The following C19orf44 variants were observed in gnomAD, a reference collection of about 807,000 sequenced individuals.
The protein encoded by C19orf44 is uncharacterized protein C19orf44.
Under a neutral mutation model 50.7 loss-of-function variants are expected in C19orf44, and 43 were observed. The observed-to-expected ratio is 0.85, with a 90% CI of 0.66 to 1.09. The LOEUF is 1.09. Among genes scored for constraint, C19orf44 ranks in the 50% least tolerant of loss-of-function variants. C19orf44 has a pLI of 0.00. For missense variants in C19orf44, 722 were observed against 836.2 expected (o/e 0.86, Z 1.68); for synonymous variants, 298 against 334.7 (o/e 0.89, Z 1.20).
In C19orf44 at chr19:16,513,012, A is replaced by G. The variant is rs768683695; in HGVS notation, c.1640-2A>G. ...TTACCCCTCTCTTTGTCCCCGAGAT[A>G]GTGGCCAGCATGGCAGCCATGGGGC... On this transcript the variant is annotated splice_acceptor_variant, in intron 5 of 8. Transcript: ENST00000221671. LOFTEE classifies it high-confidence loss of function. The G allele has an allele frequency of 1.2e-6, 2 of 1,612,338 alleles. No homozygotes were observed. The highest frequency in any genetic ancestry group is 2.2e-5 in the East Asian group (1 of 44,862).
At chr19:16,514,163 T>G (rs933760787) in intron 6 of C19orf44, among the ~76,000 whole-genome samples, 9 of 151,656 alleles carry the variant, frequency 5.9e-5, no homozygotes, top group Non-Finnish European at 7.4e-5. Context: ...AATTTTTTTT[T>G]TTGTTTTTTT....
At chr19:16,511,182 A>G (rs1285278087) in intron 5 of C19orf44, among the ~76,000 whole-genome samples, 1 of 151,822 alleles carries the variant, frequency 6.6e-6, no homozygotes, top group East Asian at 1.9e-4. Context: ...GATTACAGGT[A>G]TGTGCCACCA....
At chr19:16,518,021 A>G (rs1188695973) in intron 8 of C19orf44, 1 of 152,226 alleles carries the variant, frequency 6.6e-6, no homozygotes, top group Admixed American at 6.5e-5. Flanking sequence ...ATCTAGAACA[A>G]AATCAAATAT....
At chr19:16,506,039 T>C (rs2093439659) in intron 3 of C19orf44, among the ~76,000 whole-genome samples, 1 of 151,498 alleles carries the variant, frequency 6.6e-6, no homozygotes, top group Admixed American at 6.6e-5. Context: ...AGTGCAGTGG[T>C]GTGATCATAG....
intron 5 of C19orf44, 67 bp downstream of exon 5, chr19:16,510,055 C>T: frequency 6.2e-7 from 1 of 1,608,788 alleles, no homozygotes; most frequent in Non-Finnish European, 8.5e-7. Context: ...TTTACAGCAT[C>T]CTGGGAGACA....
At chr19:16,510,941 G>T (rs565892348) in intron 5 of C19orf44, among the ~76,000 whole-genome samples, 2 of 151,990 alleles carry the variant, frequency 1.3e-5, no homozygotes, top group East Asian at 3.9e-4. Flanking sequence ...TTGCCATATT[G>T]CCCAGCCTGG....
chr19:16,501,601 T>C (rs1008847775), intron 2 of C19orf44, 50 bp downstream of exon 2: 10 of 1,235,282 alleles, frequency 8.1e-6, no homozygotes, highest in Non-Finnish European at 1.0e-5. Flanking sequence ...TTAATTTAAT[T>C]TTTTTTTTGA....
intron 6 of C19orf44, 98 bp from the exon 7 acceptor site, chr19:16,514,399 A>AAC: frequency 8.3e-7 from 1 of 1,200,332 alleles, no homozygotes; most frequent in Non-Finnish European, 1.1e-6. Flanking sequence ...AAAAAAAAAA[A>AAC]GATTTCAGAG....
rs767985308 is a variant in C19orf44, at chr19:16,509,523, A to G, written c.1174A>G (p.Thr392Ala). 7 of 1,547,176 alleles carry G rather than the reference A, an allele frequency of 4.5e-6. No individual in the cohort carries two copies. The highest frequency in any genetic ancestry group is 5.2e-6 in the Non-Finnish European group (6 of 1,151,012). ...QEEESAQRQK[T>A]AGKIFRAEAS... ...GGAGGAAAGTGCTCAGAGACAAAAA[A>G]CAGCTGGCAAAATCTTCAGAGCCGA... The change falls in exon 5 of 9, where the codon ACA becomes GCA. Residue 392 changes from threonine to alanine, a missense_variant. Coordinates refer to ENST00000221671, the MANE Select transcript of C19orf44 (RefSeq NM_032207.4).
chr19:16,519,559 T>C lies in C19orf44; in HGVS notation c.*41-535T>C, dbSNP rs559131325. The C allele has an allele frequency of 5.2e-5, 76 of 1,448,890 alleles. No individual in the cohort carries two copies. The highest frequency in any genetic ancestry group is 7.2e-5 in the Non-Finnish European group (74 of 1,031,770). 89.8% of individuals were successfully genotyped at this position (1,448,890 alleles called of 1,614,324 possible). ...TGCACTGAGGAAGAGAAAGCGCTGG[T>C]GACTCCCGGGCCCAGCACGCGTGAG... On this transcript the variant is annotated intron_variant, in intron 8 of 8. Transcript: ENST00000221671. The surrounding 1 kb of genome is among the most constrained non-coding windows in gnomAD (Gnocchi z 6.0).
Position 16,520,736 on chromosome 19 carries a change from G to T in C19orf44, c.*683G>T. On this transcript the variant is annotated 3_prime_UTR_variant, in exon 9 of 9. Coordinates refer to ENST00000221671, the MANE Select transcript of C19orf44 (RefSeq NM_032207.4). The surrounding 1 kb of genome is among the most constrained non-coding windows in gnomAD (Gnocchi z 4.0). ...CCATAGGCACAGGCTGTGTGAGGGT[G>T]GACGTGATGAGTGTATCTGGGGTCT... The T allele has an allele frequency of 7.6e-7, 1 of 1,320,632 alleles. No homozygotes were observed. Among genetic ancestry groups the T allele is most frequent in the Non-Finnish European group, 1.1e-6 (1 of 920,560 alleles). The allele number at this position is 1,320,632 out of a possible 1,614,324, so 81.8% of individuals were successfully genotyped here.
At chr19:16,508,638 G>A (rs549488808) in intron 4 of C19orf44, among the ~76,000 whole-genome samples, 5 of 152,088 alleles carry the variant, frequency 3.3e-5, no homozygotes, top group Admixed American at 6.6e-5. Context: ...CTCCTGCCTC[G>A]GCCTTTCAAA....
At position 16,501,304 on chromosome 19, in the gene C19orf44, G is replaced by A; in HGVS notation, c.512G>A (p.Ser171Asn). Residue 171 changes from serine (S) to asparagine (N), a missense_variant, in exon 2 of 9, where the codon AGT becomes AAT. Transcript: ENST00000221671. The part of the protein sequence containing the change: ...TENNAQNAKV[S>N]RFLKKKQAPV... ...AATAATGCACAGAACGCGAAGGTCAGTAGGTTTCTAAAGAAGAAACAAGCA... is the reference window on the plus strand; with the variant it reads ...AATAATGCACAGAACGCGAAGGTCAATAGGTTTCTAAAGAAGAAACAAGCA... 6.2e-7 allele frequency: 1 copy of A among 1,614,178 alleles called. No individual in the cohort carries two copies. Among genetic ancestry groups the A allele is most frequent in the Non-Finnish European group, 8.5e-7 (1 of 1,180,022 alleles).
intron 8 of C19orf44, chr19:16,518,675 C>G (rs868618393): frequency 6.4e-6 from 1 of 157,126 alleles, no homozygotes; most frequent in Non-Finnish European, 1.4e-5. Flanking sequence ...CACTGGGCTT[C>G]GGCTTTGTCC....
At chr19:16,509,387 T>C (rs1414841788) in intron 4 of C19orf44, 112 bp from the exon 5 acceptor site, 2 of 1,384,462 alleles carry the variant, frequency 1.4e-6, no homozygotes, top group Non-Finnish European at 2.0e-6. Flanking sequence ...ACCTGGTGTG[T>C]CCCCTTGTCT....
At chr19:16,496,543 C>T (rs1002140504) in intron 1 of C19orf44, 78 bp downstream of exon 1, 1 of 300,252 alleles carries the variant, frequency 3.3e-6, no homozygotes, top group Non-Finnish European at 6.6e-6. Flanking sequence ...GGGGCCTTCT[C>T]CGGGGCTGAG....
Position 16,520,422 on chromosome 19 carries a change from A to T in C19orf44, c.*369A>T. The T allele has an allele frequency of 6.2e-7, 1 of 1,614,082 alleles. No homozygotes were observed. The highest frequency in any genetic ancestry group is 8.5e-7 in the Non-Finnish European group (1 of 1,180,016). On this transcript the variant is annotated 3_prime_UTR_variant, in exon 9 of 9. Coordinates refer to ENST00000221671, the MANE Select transcript of C19orf44 (RefSeq NM_032207.4). This position sits in a 1 kb window ranked among gnomAD's most constrained non-coding sequence, Gnocchi z 4.0. ...GAGCGCGACCTTGACCTTGAGTACG[A>T]GCCTGAAGACTTGGAGGATCTTGAG...
Position 16,519,816 on chromosome 19 carries a change from T to C in C19orf44, c.*41-278T>C, listed in dbSNP as rs1253051404. On this transcript the variant is annotated intron_variant, in intron 8 of 8. Coordinates refer to ENST00000221671, the MANE Select transcript of C19orf44 (RefSeq NM_032207.4). This position sits in a 1 kb window ranked among gnomAD's most constrained non-coding sequence, Gnocchi z 6.0. ...AGCCGCAGCTTGCGTGCATGCTCAC[T>C]GTCACCAGGTGACACCGTATGCAGA... 5.0e-6 allele frequency: 5 copies of C among 994,140 alleles called. No homozygotes were observed. Among genetic ancestry groups the C allele is most frequent in the South Asian group, 1.3e-5 (1 of 76,386 alleles). The allele number at this position is 994,140 out of a possible 1,614,324, so 61.6% of individuals were successfully genotyped here.
intron 8 of C19orf44, chr19:16,518,539 T>G (rs2085570707): frequency 6.6e-6 from 1 of 152,250 alleles, no homozygotes; most frequent in Non-Finnish European, 1.5e-5. Context: ...TCACTGGGCC[T>G]CCTCTCAGGT....
Sources: gnomAD v4.1 joint callset for allele counts (sites outside exome capture counted in the v4.1 genomes callset) on GRCh38, gnomAD v4.1.1 for gene constraint, Gnocchi (gnomAD v3.1) non-coding constraint, MANE v1.5 for transcripts, NCBI Gene and HGNC (gene_info 2026-07-23, HGNC 2026-07-21) for gene names.